PPP3CC: variants seen among roughly 807,000 people sequenced by gnomAD.
PPP3CC encodes serine/threonine-protein phosphatase 2B catalytic subunit gamma isoform.
In PPP3CC, 35 loss-of-function variants were observed where a neutral mutation model predicts 60.3. The ratio of observed to expected loss-of-function variants is 0.58; its 90% CI spans 0.44 to 0.77. PPP3CC has a LOEUF of 0.77. PPP3CC is among the 30% of genes least tolerant of loss of function. The pLI, the probability that PPP3CC is intolerant of heterozygous loss-of-function variation, is 0.00. For missense variants in PPP3CC, 570 were observed against 628.9 expected (o/e 0.91, Z 1.00); for synonymous variants, 206 against 224.3 (o/e 0.92, Z 0.73).
At chr8:22,477,637 A>G (rs1318423093) in intron 3 of PPP3CC, among the ~76,000 whole-genome samples, 1 of 151,876 alleles carries the variant, frequency 6.6e-6, no homozygotes, top group Non-Finnish European at 1.5e-5. Context: ...ATTTTATTTT[A>G]TTTTTTTAGA....
At chr8:22,445,434 G>T (rs1836793074) in intron 1 of PPP3CC, among the ~76,000 whole-genome samples, 1 of 152,048 alleles carries the variant, frequency 6.6e-6, no homozygotes, top group Admixed American at 6.6e-5. Flanking sequence ...ATCAGAAAGG[G>T]AAGAAAAGAA....
intron 1 of PPP3CC, among the ~76,000 whole-genome samples, chr8:22,452,559 AC>A (rs1488300453): frequency 2.0e-5 from 3 of 151,804 alleles, no homozygotes; most frequent in Admixed American, 2.0e-4. Flanking sequence ...GTGCAGTGGC[AC>A]CATCATAGCT....
chr8:22,478,272 C>T (rs954846930), intron 3 of PPP3CC, among the ~76,000 whole-genome samples: 10 of 151,500 alleles, frequency 6.6e-5, no homozygotes, highest in Admixed American at 1.3e-4. Context: ...CTGCCTCTGC[C>T]TCCTGAGTAG....
At chr8:22,448,493 C>T (rs1836905636) in intron 1 of PPP3CC, among the ~76,000 whole-genome samples, 1 of 151,428 alleles carries the variant, frequency 6.6e-6, no homozygotes, top group Non-Finnish European at 1.5e-5. Flanking sequence ...GATTCTCCTG[C>T]CTCAGCCTCC....
intron 3 of PPP3CC, among the ~76,000 whole-genome samples, chr8:22,477,149 A>G (rs939615286): frequency 1.3e-5 from 2 of 152,102 alleles, no homozygotes; most frequent in East Asian, 1.9e-4. Context: ...GTTGCCACTC[A>G]TATCATTCAT....
In PPP3CC at chr8:22,517,301, T is replaced by A. The variant is rs142316207; in HGVS notation, c.770+3869T>A. ...TTTATGGAGGATTTAAAAATCTATG[T>A]TCATCAGAGATACTCACCTGTACTT... On this transcript the variant is annotated intron_variant, in intron 6 of 13. Transcript: ENST00000240139. Among the ~76,000 whole-genome samples, 110 of 152,362 alleles carry A rather than the reference T, an allele frequency of 7.2e-4. 4 individuals are homozygous for A. In the East Asian group the frequency reaches 0.018, roughly 25 times the overall value.
intron 6 of PPP3CC, among the ~76,000 whole-genome samples, chr8:22,518,179 C>T (rs1466885921): frequency 6.6e-6 from 1 of 152,048 alleles, no homozygotes; most frequent in Non-Finnish European, 1.5e-5. Context: ...CCTCCTGCCT[C>T]AGCCTCCTGA....
intron 1 of PPP3CC, among the ~76,000 whole-genome samples, chr8:22,445,079 T>A (rs1009527499): frequency 1.3e-5 from 2 of 152,220 alleles, no homozygotes; most frequent in Admixed American, 6.5e-5. Flanking sequence ...TTTAGTAAGG[T>A]GCTGATACAT....
At chr8:22,497,526 A>G (rs1252474096) in intron 3 of PPP3CC, among the ~76,000 whole-genome samples, 4 of 152,070 alleles carry the variant, frequency 2.6e-5, no homozygotes, top group African/African-American at 9.7e-5. Context: ...TATTTGAGTT[A>G]GTTTTATCAT....
At position 22,511,219 on chromosome 8, in the gene PPP3CC, T is replaced by C; in HGVS notation, c.618T>C (p.Asp206=). 1 of 1,612,924 alleles carries C rather than the reference T, an allele frequency of 6.2e-7. No homozygotes were observed. Among genetic ancestry groups the C allele is most frequent in the African/African-American group, 1.3e-5 (1 of 75,028 alleles). ...TGTCACCTGAAATTACTTCTTTAGA[T>C]GACATTAGGAAAGTAAGTAATCTTT... ...GGMSPEITSL[D]DIRKLDRFTE... The change falls in exon 5 of 14, where the codon GAT becomes GAC. Residue 206 remains aspartate, a synonymous_variant. Coordinates refer to ENST00000240139, the MANE Select transcript of PPP3CC (RefSeq NM_005605.5).
intron 1 of PPP3CC, among the ~76,000 whole-genome samples, chr8:22,468,446 T>A (rs191929888): frequency 3.3e-4 from 51 of 152,304 alleles, no homozygotes; most frequent in African/African-American, 1.2e-3. Flanking sequence ...TGACATAATA[T>A]TTTGAATCAA....
chr8:22,448,237 A>T (rs1324694180), intron 1 of PPP3CC, among the ~76,000 whole-genome samples: 1 of 152,230 alleles, frequency 6.6e-6, no homozygotes, highest in Admixed American at 6.5e-5. Flanking sequence ...ACTGTTCTAG[A>T]TGAAAGAAGT....
chr8:22,529,680 C>T (rs1456025700), intron 10 of PPP3CC, among the ~76,000 whole-genome samples: 1 of 151,976 alleles, frequency 6.6e-6, no homozygotes, highest in Non-Finnish European at 1.5e-5. Context: ...GATGGGGTTT[C>T]GCCATGTTGC....
chr8:22,487,593 C>G (rs1486290438), intron 3 of PPP3CC, among the ~76,000 whole-genome samples: 1 of 151,878 alleles, frequency 6.6e-6, no homozygotes, highest in African/African-American at 2.4e-5. Flanking sequence ...CCACTGCATT[C>G]TGGCCTAGGT....
At chr8:22,533,133 A>G (rs1005723084) in intron 12 of PPP3CC, 115 bp downstream of exon 12, 5 of 683,188 alleles carry the variant, frequency 7.3e-6, no homozygotes, top group African/African-American at 5.6e-5. Flanking sequence ...TGGTTATACC[A>G]TAAGCGGGGA....
intron 1 of PPP3CC, among the ~76,000 whole-genome samples, chr8:22,443,559 C>G (rs184124229): frequency 5.4e-4 from 80 of 149,462 alleles, no homozygotes; most frequent in Non-Finnish European, 9.5e-4. Context: ...TGGTTTATTG[C>G]TACGCATGCT....
chr8:22,529,456 ATCTC>A (rs1328436337), intron 10 of PPP3CC, among the ~76,000 whole-genome samples: 2 of 152,096 alleles, frequency 1.3e-5, no homozygotes, highest in African/African-American at 4.8e-5. Context: ...GGCAATGTTT[ATCTC>A]TCTTTTGTGA....
intron 3 of PPP3CC, among the ~76,000 whole-genome samples, chr8:22,483,097 AAG>A (rs1838116535): frequency 6.6e-6 from 1 of 152,202 alleles, no homozygotes; most frequent in Admixed American, 6.5e-5. Context: ...AAGTTTCAAA[AAG>A]AAACAGATTT....
intron 1 of PPP3CC, among the ~76,000 whole-genome samples, chr8:22,454,556 A>G (rs1837135174): frequency 6.6e-6 from 1 of 152,216 alleles, no homozygotes; most frequent in Non-Finnish European, 1.5e-5. Flanking sequence ...TCGTTATATG[A>G]CTGGCAGTGC....
Sources: gnomAD v4.1 joint callset for allele counts (sites outside exome capture counted in the v4.1 genomes callset) on GRCh38, gnomAD v4.1.1 for gene constraint, MANE v1.5 for transcripts, NCBI Gene and HGNC (gene_info 2026-07-23, HGNC 2026-07-21) for gene names.